Variants in TEAD4 observed in about 807,000 individuals in gnomAD.
TEAD4 encodes transcriptional enhancer factor TEF-3.
Under a neutral mutation model 52.4 loss-of-function variants are expected in TEAD4, and 36 were observed. The ratio of observed to expected loss-of-function variants is 0.69; its 90% CI spans 0.53 to 0.91. The LOEUF (loss-of-function observed/expected upper bound fraction) is 0.91. Ranked by LOEUF, TEAD4 falls within the 40% of genes least tolerant of loss-of-function variation. The probability of loss-of-function intolerance (pLI) is 0.00; values close to 1 mark genes in which losing one functional copy is unlikely to be tolerated. For missense variants in TEAD4, 508 were observed against 583.9 expected, an observed-to-expected ratio of 0.87 and a Z score of 1.34; for synonymous variants, 220 against 231.0, an observed-to-expected ratio of 0.95 and a Z score of 0.43.
intron 5 of TEAD4, among the ~76,000 whole-genome samples, chr12:3,013,435 T>C (rs1390920033): frequency 6.6e-6 from 1 of 151,968 alleles, no homozygotes; most frequent in African/African-American, 2.4e-5. Context: ...GACCTCAGAA[T>C]CCAGTTTAAA....
In TEAD4 at chr12:2,988,920, C is replaced by T. The variant is rs147838647; in HGVS notation, c.-29-5818C>T. ...CATGGAAGCTTCTCGAACCGTCCCA[C>T]GTGCCTTGCCCTATGCGTCTCTATC... On this transcript the variant is annotated intron_variant, in intron 2 of 12. Transcript: ENST00000359864. Among the ~76,000 whole-genome samples the T allele has an allele frequency of 4.6e-4, 70 of 152,332 alleles. 1 individual carries two copies. The highest frequency in any genetic ancestry group is 1.5e-3 in the African/African-American group (64 of 41,582).
chr12:2,985,650 T>A (rs182641176), intron 2 of TEAD4, among the ~76,000 whole-genome samples: 1 of 150,900 alleles, frequency 6.6e-6, no homozygotes, highest in Admixed American at 6.6e-5. Flanking sequence ...GGATTATAGG[T>A]GCGCACCATC....
chr12:2,985,560 T>C (rs868515120), intron 2 of TEAD4, among the ~76,000 whole-genome samples: 80 of 131,562 alleles, frequency 6.1e-4, no homozygotes, highest in South Asian at 1.1e-3. Flanking sequence ...GGCTGGAGTG[T>C]AGTGGCACGA....
At chr12:2,990,309 T>G (rs2098241966) in intron 2 of TEAD4, among the ~76,000 whole-genome samples, 1 of 152,124 alleles carries the variant, frequency 6.6e-6, no homozygotes, top group Non-Finnish European at 1.5e-5. Flanking sequence ...ATTTTCAGCC[T>G]GGGACCACTG....
intron 5 of TEAD4, among the ~76,000 whole-genome samples, chr12:3,014,548 A>G (rs924294611): frequency 2.6e-5 from 4 of 152,244 alleles, no homozygotes; most frequent in South Asian, 2.1e-4. Context: ...CAGTGATCCA[A>G]TAGAAATCCC....
At chr12:2,991,922 G>T (rs7964137) in intron 2 of TEAD4, among the ~76,000 whole-genome samples, 98,678 of 151,668 alleles carry the variant, frequency 0.65, 37,498 homozygotes, top group Middle Eastern at 0.85. Context: ...GACCTTGGGC[G>T]TGTCCTTAGG....
chr12:2,962,335 T>A (rs10774088), intron 2 of TEAD4, among the ~76,000 whole-genome samples: 2 of 67,062 alleles, frequency 3.0e-5, no homozygotes, highest in African/African-American at 9.3e-5. Context: ...TAAATATAAA[T>A]ATATATATAT....
At chr12:2,969,604 C>T (rs1395510045) in intron 2 of TEAD4, among the ~76,000 whole-genome samples, 1 of 152,136 alleles carries the variant, frequency 6.6e-6, no homozygotes, top group African/African-American at 2.4e-5. Context: ...GCGGGGATTC[C>T]ACTAGATGAA....
At chr12:3,030,348 C>G (rs968107054) in intron 10 of TEAD4, among the ~76,000 whole-genome samples, 18 of 152,134 alleles carry the variant, frequency 1.2e-4, no homozygotes, top group Non-Finnish European at 1.9e-4. Context: ...ACCCTTTGAT[C>G]TTCTACCGAT....
intron 3 of TEAD4, among the ~76,000 whole-genome samples, chr12:3,008,613 G>C (rs185819917): frequency 1.1e-3 from 171 of 152,282 alleles, no homozygotes; most frequent in African/African-American, 3.9e-3. Flanking sequence ...CGGGAGCTTG[G>C]ACCCTGGAGG....
chr12:2,986,961 G>A (rs2098239062), intron 2 of TEAD4, among the ~76,000 whole-genome samples: 2 of 152,188 alleles, frequency 1.3e-5, no homozygotes, highest in African/African-American at 2.4e-5. Context: ...CTGAAATTTT[G>A]TTATGCAGTG....
At chr12:3,033,577 T>C (rs2098277294) in intron 10 of TEAD4, among the ~76,000 whole-genome samples, 1 of 152,178 alleles carries the variant, frequency 6.6e-6, no homozygotes, top group Non-Finnish European at 1.5e-5. Context: ...TTTCAGTCCC[T>C]GACATTTCTC....
At chr12:2,995,694 A>G (rs1228621932) in intron 3 of TEAD4, among the ~76,000 whole-genome samples, 2 of 152,068 alleles carry the variant, frequency 1.3e-5, no homozygotes, top group African/African-American at 4.8e-5. Flanking sequence ...TGGATGGAAG[A>G]GGGGGCATCT....
At chr12:3,011,986 C>A (rs954763811) in intron 4 of TEAD4, among the ~76,000 whole-genome samples, 184 bp from the exon 5 acceptor site, 4 of 152,198 alleles carry the variant, frequency 2.6e-5, no homozygotes, top group African/African-American at 9.6e-5. Flanking sequence ...TTTTGAAATA[C>A]TGCCGGTTTC....
intron 3 of TEAD4, among the ~76,000 whole-genome samples, chr12:3,005,234 T>C (rs1418909249): frequency 3.3e-5 from 5 of 152,144 alleles, no homozygotes. Flanking sequence ...CGGGGAGATG[T>C]TGGTCAAAGA....
At chr12:2,971,785 T>C (rs548327550) in intron 2 of TEAD4, among the ~76,000 whole-genome samples, 2 of 149,642 alleles carry the variant, frequency 1.3e-5, no homozygotes, top group South Asian at 2.1e-4. Context: ...GTGGGTTTTA[T>C]TTTTATATCC....
intron 3 of TEAD4, among the ~76,000 whole-genome samples, chr12:3,005,626 A>C (rs1239923482): frequency 1.3e-5 from 2 of 151,902 alleles, no homozygotes; most frequent in Non-Finnish European, 2.9e-5. Context: ...CCTCCCGAGT[A>C]GCTGGGACTA....
chr12:3,017,529 A>G lies in TEAD4; in HGVS notation c.483+3A>G, dbSNP rs766866564. 6.2e-7 allele frequency: 1 copy of G among 1,612,046 alleles called. No individual in the cohort carries two copies. The highest frequency in any genetic ancestry group is 8.5e-7 in the Non-Finnish European group (1 of 1,179,298). ...CCGGCCGCCCAGCAGTCTCAGGGGT[A>G]AGTGGGCTGCCGAGAGCTGGAGGCC... On this transcript the variant is annotated splice_donor_region_variant and intron_variant, in intron 6 of 12. Coordinates refer to ENST00000359864, the MANE Select transcript of TEAD4 (RefSeq NM_003213.4).
chr12:3,023,028 G>T (rs184443085), intron 10 of TEAD4, among the ~76,000 whole-genome samples: 1 of 152,232 alleles, frequency 6.6e-6, no homozygotes, highest in Non-Finnish European at 1.5e-5. Flanking sequence ...TGGCTTGCCG[G>T]CTCCCGGTGA....
Sources: gnomAD v4.1 joint callset for allele counts (sites outside exome capture counted in the v4.1 genomes callset) on GRCh38, gnomAD v4.1.1 for gene constraint, MANE v1.5 for transcripts, NCBI Gene and HGNC (gene_info 2026-07-23, HGNC 2026-07-21) for gene names.